The following FADS3 variants were observed in gnomAD, a reference collection of about 807,000 sequenced individuals.
FADS3 encodes cytochrome b5-related protein.
In FADS3, 30 loss-of-function variants were observed where a neutral mutation model predicts 60.4. The ratio of observed to expected loss-of-function variants is 0.50; its 90% CI spans 0.37 to 0.67. The LOEUF (loss-of-function observed/expected upper bound fraction) is 0.67, where lower values mean the gene tolerates loss of function less well. Among genes scored for constraint, FADS3 ranks in the 30% least tolerant of loss-of-function variants. The pLI, the probability that FADS3 is intolerant of heterozygous loss-of-function variation, is 0.00. For missense variants in FADS3, 432 were observed against 598.3 expected, an observed-to-expected ratio of 0.72 and a Z score of 2.90; for synonymous variants, 234 against 249.3, an observed-to-expected ratio of 0.94 and a Z score of 0.58.
In FADS3 at chr11:61,891,351, C is replaced by T. The variant is rs1565351339; in HGVS notation, c.31G>A (p.Glu11Lys). ...GGCGCCCCCGGCTGCGCGGGTCCCT[C>T]CCGCGGTCCCGGCTCCCCGACGCCG... MGGVGEPGPREGPAQPGAPLP... is the reference protein window; with the variant it reads MGGVGEPGPRKGPAQPGAPLP... The change falls in exon 1 of 12, where the codon GAG (glutamate) becomes AAG (lysine). Residue 11 changes from glutamate to lysine, a missense_variant. Transcript: ENST00000278829. 2.0e-6 allele frequency: 3 copies of T among 1,496,660 alleles called. No individual in the cohort carries two copies. The highest frequency in any genetic ancestry group is 2.7e-6 in the Non-Finnish European group (3 of 1,127,548). The allele number at this position is 1,496,660 out of a possible 1,614,324, so 92.7% of individuals were successfully genotyped here.
chr11:61,889,871 T>A (rs887940496), intron 1 of FADS3, among the ~76,000 whole-genome samples: 9 of 152,084 alleles, frequency 5.9e-5, no homozygotes, highest in East Asian at 3.9e-4. Flanking sequence ...GATACTTTTT[T>A]AGAAAAAGAC....
At chr11:61,884,051 C>A (rs1015003020) in intron 1 of FADS3, among the ~76,000 whole-genome samples, 3 of 152,132 alleles carry the variant, frequency 2.0e-5, no homozygotes, top group African/African-American at 4.8e-5. Context: ...GGACTCAGGC[C>A]GAAACCTGGA....
chr11:61,875,379 GTT>G (rs58200660), intron 11 of FADS3, among the ~76,000 whole-genome samples: 2 of 128,496 alleles, frequency 1.6e-5, no homozygotes, highest in Non-Finnish European at 1.7e-5. Flanking sequence ...GCTAATTTTT[GTT>G]TTTTTTTTTT....
intron 1 of FADS3, among the ~76,000 whole-genome samples, chr11:61,886,533 T>C (rs1306162150): frequency 6.6e-6 from 1 of 152,100 alleles, no homozygotes; most frequent in East Asian, 1.9e-4. Context: ...GGAGTGGCTC[T>C]GGAGCCACCC....
chr11:61,876,914 AG>A lies in FADS3; in HGVS notation c.934del (p.Leu312SerfsTer30), dbSNP rs1221302208. On this transcript the variant is annotated frameshift_variant, in exon 8 of 12. Coordinates refer to ENST00000278829, the MANE Select transcript of FADS3 (RefSeq NM_021727.5). LOFTEE classifies it high-confidence loss of function. The surrounding 1 kb of genome is among the most constrained non-coding windows in gnomAD (Gnocchi z 5.7). ...SFYARFFLSY[L>X]PFYGVPGVLL... is the part of the protein sequence containing the mutation. ...CACCCCAGGGACGCCGTAGAAGGGG[AG>A]GTAGGATAAGAAGAAGCGGGCATAG... 1 of 1,610,388 alleles carries A rather than the reference AG, an allele frequency of 6.2e-7. No individual in the cohort carries two copies. Among genetic ancestry groups the A allele is most frequent in the Admixed American group, 1.7e-5 (1 of 59,578 alleles).
intron 11 of FADS3, 77 bp from the exon 12 acceptor site, chr11:61,873,942 G>T (rs1937774140): frequency 2.1e-6 from 2 of 962,528 alleles, no homozygotes; most frequent in Non-Finnish European, 3.2e-6. Flanking sequence ...TATCCCCCAT[G>T]GTAAGTGTGA....
intron 1 of FADS3, chr11:61,880,448 C>T (rs1938088264): frequency 1.2e-5 from 3 of 241,568 alleles, no homozygotes; most frequent in Non-Finnish European, 1.6e-5. Flanking sequence ...AAAGACCTCC[C>T]GGGAAGACTT....
At chr11:61,881,608 A>C (rs1200537691) in intron 1 of FADS3, 2 of 152,178 alleles carry the variant, frequency 1.3e-5, no homozygotes, top group Non-Finnish European at 2.9e-5. Context: ...CTGACTGAGG[A>C]CAGGGGCCTC....
chr11:61,881,627 C>T (rs1011578635), intron 1 of FADS3: 1 of 152,196 alleles, frequency 6.6e-6, no homozygotes, highest in Non-Finnish European at 1.5e-5. Flanking sequence ...TCCTATTGTC[C>T]TCTTGCTAAT....
In FADS3 at chr11:61,875,860, T is replaced by C. The variant is rs1464250997; in HGVS notation, c.1277A>G (p.Asp426Gly). The C allele has an allele frequency of 1.9e-6, 3 of 1,612,474 alleles. No homozygotes were observed. The highest frequency in any genetic ancestry group is 2.5e-6 in the Non-Finnish European group (3 of 1,179,200). ...CGGGCTGCAGCCTCACCTGACGATGTCCACCAGCGCGGTGAGGAAGGGCTT... is the reference window on the plus strand; with the variant it reads ...CGGGCTGCAGCCTCACCTGACGATGCCCACCAGCGCGGTGAGGAAGGGCTT... Reference protein sequence around the residue: ...EVKPFLTALVDIVRSLKKSGD... With the variant: ...EVKPFLTALVGIVRSLKKSGD... The change falls in exon 11 of 12, where the codon GAC becomes GGC. Residue 426 changes from aspartate to glycine, a missense_variant. Around this residue, in one of 5 missense-constraint regions of FADS3, gnomAD observed 63 missense variants for 64.5 expected, o/e 0.98. Coordinates refer to ENST00000278829, the MANE Select transcript of FADS3 (RefSeq NM_021727.5).
intron 5 of FADS3, 138 bp downstream of exon 5, chr11:61,878,374 A>C: frequency 7.1e-7 from 1 of 1,406,420 alleles, no homozygotes; most frequent in Non-Finnish European, 9.9e-7. Context: ...GGAAGGAAAG[A>C]CACGGGGGCA....
rs1413110918 is a variant in FADS3, at chr11:61,873,600, ACCTTCCCTCTACC to A, written c.*201_*213del. ...CGCTCTAGGAAAATGTGCTATGCTC[ACCTTCCCTCTACC>A]CCTGTCCCATCAGGCCCAGAGCCAA... On this transcript the variant is annotated 3_prime_UTR_variant, in exon 12 of 12. Coordinates refer to ENST00000278829, the MANE Select transcript of FADS3 (RefSeq NM_021727.5). 2 of 586,104 alleles carry A rather than the reference ACCTTCCCTCTACC, an allele frequency of 3.4e-6. No individual in the cohort carries two copies. Among genetic ancestry groups the A allele is most frequent in the Admixed American group, 6.3e-5 (2 of 31,606 alleles). 36.3% of individuals were successfully genotyped at this position (586,104 alleles called of 1,614,324 possible). A position where few individuals can be genotyped will look rare whatever the true frequency, so the allele number is the denominator to read the frequency against.
At chr11:61,878,306 C>A in intron 5 of FADS3, 91 bp from the exon 6 acceptor site, 1 of 1,449,846 alleles carries the variant, frequency 6.9e-7, no homozygotes, top group South Asian at 1.2e-5. Context: ...GGCCAAGGGT[C>A]AAAGGCAACT....
rs1467797293 is a variant in FADS3 at position 61,883,207 on chromosome 11, C to G, written c.214-3056G>C. On this transcript the variant is annotated intron_variant, in intron 1 of 11. Coordinates refer to ENST00000278829, the MANE Select transcript of FADS3 (RefSeq NM_021727.5). ...TCTGTCCCCATTAAACACTAATTCTCCATTCTCTCCTCCCCCTGCCCCGGC... is the reference window on the plus strand; with the variant it reads ...TCTGTCCCCATTAAACACTAATTCTGCATTCTCTCCTCCCCCTGCCCCGGC... 2.6e-5 allele frequency among the ~76,000 whole-genome samples: 4 copies of G among 152,206 alleles called. No homozygotes were observed. The East Asian group carries it at 7.7e-4, about 29-fold the overall frequency.
chr11:61,873,934 TC>T, intron 11 of FADS3, 69 bp from the exon 12 acceptor site: 1 of 1,015,988 alleles, frequency 9.8e-7, no homozygotes. Flanking sequence ...CACCCCTGTA[TC>T]CCCCATGGTA....
At chr11:61,887,623 C>T (rs980432222) in intron 1 of FADS3, among the ~76,000 whole-genome samples, 3 of 152,232 alleles carry the variant, frequency 2.0e-5, no homozygotes, top group Non-Finnish European at 4.4e-5. Flanking sequence ...GAACACAGGA[C>T]GCACGGTCCC....
chr11:61,874,000 C>T (rs1272468636), intron 11 of FADS3, 135 bp from the exon 12 acceptor site: 7 of 617,342 alleles, frequency 1.1e-5, no homozygotes, highest in Non-Finnish European at 1.8e-5. Flanking sequence ...GGGCAGGCAG[C>T]GATGCGGGCT....
intron 1 of FADS3, among the ~76,000 whole-genome samples, chr11:61,885,621 G>A (rs1335844421): frequency 6.6e-6 from 1 of 152,212 alleles, no homozygotes; most frequent in East Asian, 1.9e-4. Context: ...GAGAGGAGGG[G>A]CTGGCAGCCT....
chr11:61,875,469 G>C (rs965518662), intron 11 of FADS3, among the ~76,000 whole-genome samples: 4 of 148,148 alleles, frequency 2.7e-5, no homozygotes, highest in Non-Finnish European at 5.9e-5. Context: ...CTGACCTCAA[G>C]TGATCCGCCC....
Sources: gnomAD v4.1 joint callset for allele counts (sites outside exome capture counted in the v4.1 genomes callset) on GRCh38, gnomAD v4.1.1 for gene constraint, gnomAD v4.1.1 regional missense constraint, Gnocchi (gnomAD v3.1) non-coding constraint, MANE v1.5 for transcripts, NCBI Gene and HGNC (gene_info 2026-07-23, HGNC 2026-07-21) for gene names.